KLHDC10: variants seen among roughly 807,000 people sequenced by gnomAD.
The protein encoded by KLHDC10 is kelch domain containing 10.
In KLHDC10, 24 loss-of-function variants were observed where a neutral mutation model predicts 56.1. That is an observed-to-expected ratio of 0.43 (90% CI 0.31 to 0.60). The LOEUF is 0.60. Ranked by LOEUF, KLHDC10 falls within the 20% of genes least tolerant of loss-of-function variation. The pLI is 0.11. For missense variants in KLHDC10, 349 were observed against 567.0 expected, an observed-to-expected ratio of 0.62 and a Z score of 3.91; for synonymous variants, 188 against 207.1, an observed-to-expected ratio of 0.91 and a Z score of 0.79.
At chr7:130,081,855 A>T (rs1045788181) in intron 1 of KLHDC10, among the ~76,000 whole-genome samples, 2 of 151,414 alleles carry the variant, frequency 1.3e-5, no homozygotes, top group South Asian at 2.1e-4. Flanking sequence ...TTTCCCTTCC[A>T]TTTCTTTTCT....
chr7:130,073,045 C>G (rs965830292), intron 1 of KLHDC10, among the ~76,000 whole-genome samples: 2 of 151,486 alleles, frequency 1.3e-5, no homozygotes, highest in African/African-American at 4.8e-5. Context: ...CGTGAGCCAC[C>G]TCGCCCAGCC....
At chr7:130,128,492 C>T (rs1796342428) in intron 8 of KLHDC10, among the ~76,000 whole-genome samples, 1 of 152,042 alleles carries the variant, frequency 6.6e-6, no homozygotes. Context: ...GAAAATTATT[C>T]CTAATAACTG....
chr7:130,122,324 G>A, intron 5 of KLHDC10, 122 bp downstream of exon 5: 1 of 882,870 alleles, frequency 1.1e-6, no homozygotes, highest in Non-Finnish European at 1.7e-6. Context: ...GCTGTTGGAT[G>A]TTAGATCTCA....
At chr7:130,089,795 C>A (rs1795745391) in intron 1 of KLHDC10, among the ~76,000 whole-genome samples, 1 of 152,130 alleles carries the variant, frequency 6.6e-6, no homozygotes, top group Non-Finnish European at 1.5e-5. Flanking sequence ...TTTATAGATC[C>A]TGAATTGTAT....
Position 130,116,717 on chromosome 7 carries a change from C to T in KLHDC10, c.475+51C>T. On this transcript the variant is annotated intron_variant, in intron 3 of 9. Coordinates refer to ENST00000335420, the MANE Select transcript of KLHDC10 (RefSeq NM_014997.4). This position sits in a 1 kb window ranked among gnomAD's most constrained non-coding sequence, Gnocchi z 4.8. ...TGACTTTATGAAATGTCTGAGAAGC[C>T]AGGTTCAATGTCCCATATTCCTCAT... The T allele has an allele frequency of 7.1e-7, 1 of 1,405,536 alleles. No homozygotes were observed. The highest frequency in any genetic ancestry group is 2.3e-5 in the East Asian group (1 of 43,888). The allele number at this position is 1,405,536 out of a possible 1,614,324, so 87.1% of individuals were successfully genotyped here. A position where few individuals can be genotyped will look rare whatever the true frequency, so the allele number is the denominator to read the frequency against.
At chr7:130,122,444 G>A (rs1796260719) in intron 5 of KLHDC10, among the ~76,000 whole-genome samples, 2 of 152,068 alleles carry the variant, frequency 1.3e-5, no homozygotes. Flanking sequence ...TTATACTTTA[G>A]TCTCTCTGCA....
intron 1 of KLHDC10, among the ~76,000 whole-genome samples, chr7:130,091,817 T>C (rs1440702431): frequency 6.6e-6 from 1 of 152,208 alleles, no homozygotes; most frequent in East Asian, 1.9e-4. Flanking sequence ...TTTGTTATTC[T>C]TGCATTAATT....
intron 1 of KLHDC10, among the ~76,000 whole-genome samples, chr7:130,079,092 C>T (rs1295812560): frequency 6.6e-6 from 1 of 151,806 alleles, no homozygotes; most frequent in Non-Finnish European, 1.5e-5. Flanking sequence ...GAGTCTCACT[C>T]TGTTGCCTAG....
rs1249246864 is a variant in KLHDC10 at position 130,134,632 on chromosome 7, A to G, written c.*3886A>G. 6.7e-6 allele frequency: 1 copy of G among 149,024 alleles called. No individual in the cohort carries two copies. Among genetic ancestry groups the G allele is most frequent in the African/African-American group, 2.5e-5 (1 of 40,304 alleles). The allele number at this position is 149,024 out of a possible 1,614,324, so 9.2% of individuals were successfully genotyped here. On this transcript the variant is annotated 3_prime_UTR_variant, in exon 10 of 10. Transcript: ENST00000335420. Reference sequence around the variant, plus strand: ...TTGGTCTTCGTATTCTGTAAAACCCATTTTTTTTTTGTGGTCTTACAGATG... The same window carrying G: ...TTGGTCTTCGTATTCTGTAAAACCCGTTTTTTTTTTGTGGTCTTACAGATG...
chr7:130,115,159 T>C (rs928453922), intron 2 of KLHDC10, among the ~76,000 whole-genome samples: 1 of 152,196 alleles, frequency 6.6e-6, no homozygotes, highest in Non-Finnish European at 1.5e-5. Flanking sequence ...ATGTATAACA[T>C]GTTTATTAGG....
intron 2 of KLHDC10, among the ~76,000 whole-genome samples, chr7:130,107,678 T>C (rs192485268): frequency 2.6e-5 from 4 of 151,178 alleles, no homozygotes; most frequent in Non-Finnish European, 5.9e-5. Context: ...ACCCAGTCTT[T>C]ACTAAAAATA....
intron 3 of KLHDC10, among the ~76,000 whole-genome samples, chr7:130,117,060 CACA>C (rs1286376992): frequency 6.6e-6 from 1 of 152,204 alleles, no homozygotes; most frequent in Admixed American, 6.5e-5. Flanking sequence ...AAGCAAGTCA[CACA>C]ACATTTTTGG....
At position 130,096,937 on chromosome 7, in the gene KLHDC10, A is replaced by G. The variant is rs781211501; in HGVS notation, c.183A>G (p.Arg61=). ...TGGTAACAGGTAAGAAGAAAATACG[A>G]TGGGACCCAGTTAGGAGGCGCTTCA... is the stretch of plus-strand genomic sequence containing the variant. ...RPHLPGKKKI[R]WDPVRRRFIQ... Residue 61 remains arginine, a synonymous_variant, in exon 2 of 10, where the codon CGA becomes CGG. Transcript: ENST00000335420. 2 of 1,611,140 alleles carry G rather than the reference A, an allele frequency of 1.2e-6. No individual in the cohort carries two copies. The highest frequency in any genetic ancestry group is 2.7e-5 in the African/African-American group (2 of 74,896).
At chr7:130,128,889 A>AAAATATATATAT in intron 8 of KLHDC10, among the ~76,000 whole-genome samples, 55 of 66,928 alleles carry the variant, frequency 8.2e-4, no homozygotes, top group Non-Finnish European at 1.3e-3. Flanking sequence ...AAAAAAAAAA[A>AAAATATATATAT]ATATATATAT....
chr7:130,127,026 C>T (rs556661616), intron 7 of KLHDC10, among the ~76,000 whole-genome samples: 1 of 152,274 alleles, frequency 6.6e-6, no homozygotes, highest in African/African-American at 2.4e-5. Flanking sequence ...ATCATTTGAG[C>T]CCAGGAGGCG....
chr7:130,106,390 A>G (rs1453920006), intron 2 of KLHDC10, among the ~76,000 whole-genome samples: 1 of 152,194 alleles, frequency 6.6e-6, no homozygotes, highest in Non-Finnish European at 1.5e-5. Flanking sequence ...TTGTAGGGGA[A>G]AAAAGAAAGC....
At chr7:130,095,704 A>G (rs1795840304) in intron 1 of KLHDC10, among the ~76,000 whole-genome samples, 1 of 152,196 alleles carries the variant, frequency 6.6e-6, no homozygotes, top group Non-Finnish European at 1.5e-5. Context: ...GACCCTGCTA[A>G]TGGACATCTG....
chr7:130,108,661 G>A (rs942029172), intron 2 of KLHDC10, among the ~76,000 whole-genome samples: 1 of 148,652 alleles, frequency 6.7e-6, no homozygotes, highest in African/African-American at 2.5e-5. Flanking sequence ...GGTGGAGGTT[G>A]CAATGAGCCA....
chr7:130,101,035 T>A (rs1321414173), intron 2 of KLHDC10, among the ~76,000 whole-genome samples: 1 of 151,952 alleles, frequency 6.6e-6, no homozygotes, highest in Non-Finnish European at 1.5e-5. Flanking sequence ...AAGGGAGACT[T>A]TGAAACTAGA....
Sources: gnomAD v4.1 joint callset for allele counts (sites outside exome capture counted in the v4.1 genomes callset) on GRCh38, gnomAD v4.1.1 for gene constraint, Gnocchi (gnomAD v3.1) non-coding constraint, MANE v1.5 for transcripts, NCBI Gene and HGNC (gene_info 2026-07-23, HGNC 2026-07-21) for gene names.